ADARB2: variants seen among roughly 807,000 people sequenced by gnomAD.
ADARB2 encodes inactive double-stranded RNA-specific editase B2.
In ADARB2, 25 loss-of-function variants were observed where a neutral mutation model predicts 62.2. The observed-to-expected ratio is 0.40, with a 90% confidence interval of 0.29 to 0.56. The LOEUF (loss-of-function observed/expected upper bound fraction) is 0.56, where lower values mean the gene tolerates loss of function less well. Among genes scored for constraint, ADARB2 ranks in the 20% least tolerant of loss-of-function variants. The probability of loss-of-function intolerance (pLI) is 0.43; values close to 1 mark genes in which losing one functional copy is unlikely to be tolerated. For missense variants in ADARB2, 1,071 were observed against 1,077.4 expected (o/e 0.99, Z 0.08); for synonymous variants, 572 against 500.8 (o/e 1.14, Z -1.90).
At chr10:1,554,701 G>A (rs952545529) in intron 1 of ADARB2, among the ~76,000 whole-genome samples, 42 of 152,130 alleles carry the variant, frequency 2.8e-4, no homozygotes, top group African/African-American at 9.7e-4. Context: ...CTTATTTCTA[G>A]GATAGCTTTG....
chr10:1,513,335 A>C (rs1831962830), intron 1 of ADARB2, among the ~76,000 whole-genome samples: 1 of 152,228 alleles, frequency 6.6e-6, no homozygotes, highest in African/African-American at 2.4e-5. Flanking sequence ...CCTCAGTGAC[A>C]AGGCTGGCTA....
chr10:1,550,911 A>G (rs966059728), intron 1 of ADARB2, among the ~76,000 whole-genome samples: 4 of 152,080 alleles, frequency 2.6e-5, no homozygotes, highest in Non-Finnish European at 5.9e-5. Flanking sequence ...TGGAGTTCGG[A>G]GACTAAAGGT....
chr10:1,487,632 G>A (rs1453805258), intron 1 of ADARB2, among the ~76,000 whole-genome samples: 1 of 152,162 alleles, frequency 6.6e-6, no homozygotes, highest in Non-Finnish European at 1.5e-5. Context: ...AAGTGTAGTT[G>A]GAATAAAGCA....
chr10:1,220,611 T>C (rs1830686590), intron 6 of ADARB2, among the ~76,000 whole-genome samples: 1 of 152,212 alleles, frequency 6.6e-6, no homozygotes, highest in Non-Finnish European at 1.5e-5. Context: ...TTAGGGACTT[T>C]ACTCTTTCAT....
Position 1,363,224 on chromosome 10 carries a change from C to A in ADARB2, c.881G>T (p.Cys294Phe). 1 of 1,448,028 alleles carries A rather than the reference C, an allele frequency of 6.9e-7. No homozygotes were observed. Among genetic ancestry groups the A allele is most frequent in the Non-Finnish European group, 9.1e-7 (1 of 1,100,948 alleles). 89.7% of individuals were successfully genotyped at this position (1,448,028 alleles called of 1,614,324 possible). ...GCGCCGCTCGGCCGGTTCTGCCAGACACACGTAGCGCAGCCCGGCGCGCAG... is the reference window on the plus strand; with the variant it reads ...GCGCCGCTCGGCCGGTTCTGCCAGAAACACGTAGCGCAGCCCGGCGCGCAG... Reference protein sequence around the residue: ...NRLRAGLRYVCLAEPAERRAR... With the variant: ...NRLRAGLRYVFLAEPAERRAR... Residue 294 changes from cysteine to phenylalanine, a missense_variant, in exon 3 of 10, where the codon TGT (cysteine) becomes TTT (phenylalanine). Physicochemically the swap from Cys to Phe is radical, Grantham distance 205. Transcript: ENST00000381312.
At chr10:1,207,704 T>C (rs959187277) in intron 7 of ADARB2, among the ~76,000 whole-genome samples, 3 of 152,234 alleles carry the variant, frequency 2.0e-5, no homozygotes, top group African/African-American at 7.2e-5. Context: ...TTATGGTTCA[T>C]TTTCATGGAG....
chr10:1,260,553 T>C (rs1831126227), intron 4 of ADARB2, among the ~76,000 whole-genome samples: 1 of 151,864 alleles, frequency 6.6e-6, no homozygotes. Flanking sequence ...CCATTCACAA[T>C]TGCTTCAAAG....
At position 1,426,914 on chromosome 10, in the gene ADARB2, G is replaced by C. The variant is rs575250697; in HGVS notation, c.101-47754C>G. ...AACCTAAAGCAGTTGTGAAAGAGCC[G>C]GAGGACCCCTGTCCCCAAACCCTGC... On this transcript the variant is annotated intron_variant, in intron 1 of 9. Coordinates refer to ENST00000381312, the MANE Select transcript of ADARB2 (RefSeq NM_018702.4). The surrounding 1 kb of genome is among the most constrained non-coding windows in gnomAD (Gnocchi z 4.1). Among the ~76,000 whole-genome samples, 5 of 152,252 alleles carry C rather than the reference G, an allele frequency of 3.3e-5. No homozygotes were observed. The highest frequency in any genetic ancestry group is 4.4e-5 in the Non-Finnish European group (3 of 68,048).
In ADARB2 at chr10:1,363,396, C is replaced by T. The variant is rs1458819216; in HGVS notation, c.709G>A (p.Ala237Thr). 1.5e-6 allele frequency: 2 copies of T among 1,342,210 alleles called. No individual in the cohort carries two copies. 83.1% of individuals were successfully genotyped at this position (1,342,210 alleles called of 1,614,324 possible). The stretch of plus-strand genomic sequence containing the variant: ...GCGGCGTCCCCGGGGCGGCCTCCCG[C>T]GAGTCCGGGGCGCGGCGCCGGGGGC... ...FEPPAPRPGL[A>T]GGRPGDAALL... is the part of the protein sequence containing the mutation. Residue 237 changes from alanine (A) to threonine (T), a missense_variant, in exon 3 of 10, where the codon GCG (alanine) becomes ACG (threonine). Ala to Thr is a moderately conservative substitution (Grantham distance 58, BLOSUM62 0). Coordinates refer to ENST00000381312, the MANE Select transcript of ADARB2 (RefSeq NM_018702.4).
Position 1,253,050 on chromosome 10 carries a change from G to T in ADARB2, c.1193-10751C>A, listed in dbSNP as rs138732420. On this transcript the variant is annotated intron_variant, in intron 4 of 9. Coordinates refer to ENST00000381312, the MANE Select transcript of ADARB2 (RefSeq NM_018702.4). The stretch of plus-strand genomic sequence containing the variant: ...AGAGTTTAACAGGCTCTAGGGCACA[G>T]GTAGCCCTGTTTCTGCTGCTTACTT... Among the ~76,000 whole-genome samples the T allele has an allele frequency of 2.5e-3, 380 of 152,322 alleles. 2 individuals carry two copies. The highest frequency in any genetic ancestry group is 8.6e-3 in the African/African-American group (358 of 41,574).
intron 6 of ADARB2, among the ~76,000 whole-genome samples, chr10:1,218,766 C>T (rs1027714213): frequency 4.6e-5 from 7 of 151,946 alleles, no homozygotes; most frequent in African/African-American, 9.7e-5. Flanking sequence ...TGGCATCAGC[C>T]GGGCACGGTG....
intron 1 of ADARB2, among the ~76,000 whole-genome samples, chr10:1,702,453 G>A (rs1366422273): frequency 1.3e-5 from 2 of 152,168 alleles, no homozygotes; most frequent in Non-Finnish European, 1.5e-5. Context: ...CTCTCTTGAG[G>A]TCTCTCTGTC....
intron 3 of ADARB2, among the ~76,000 whole-genome samples, chr10:1,302,747 G>A (rs1244242149): frequency 2.0e-5 from 3 of 152,344 alleles, no homozygotes; most frequent in East Asian, 3.9e-4. Context: ...CTAACTGGGA[G>A]GCACCCTCCA....
intron 3 of ADARB2, among the ~76,000 whole-genome samples, chr10:1,331,125 G>A (rs867441346): frequency 2.0e-5 from 3 of 152,210 alleles, no homozygotes; most frequent in Non-Finnish European, 4.4e-5. Flanking sequence ...ATAATAACAA[G>A]TGTTGACAAG....
rs1190151313 is a variant in ADARB2 at position 1,306,760 on chromosome 10, C to A, written c.1078-35691G>T. 2.7e-5 allele frequency among the ~76,000 whole-genome samples: 4 copies of A among 146,850 alleles called. No homozygotes were observed. The East Asian group carries it at 8.5e-4, about 31-fold the overall frequency. ...TATAGATCAATGGAACAGAACAGAG[C>A]CGTCAGAAATAACGCCGCATATCTA... On this transcript the variant is annotated intron_variant, in intron 3 of 9. Transcript: ENST00000381312.
At chr10:1,448,598 TG>T (rs1419710503) in intron 1 of ADARB2, among the ~76,000 whole-genome samples, 1 of 152,140 alleles carries the variant, frequency 6.6e-6, no homozygotes, top group East Asian at 1.9e-4. Flanking sequence ...GGTAATAGGG[TG>T]CATGGACAAG....
intron 6 of ADARB2, among the ~76,000 whole-genome samples, chr10:1,217,336 CAG>C (rs1319207210): frequency 6.6e-6 from 1 of 152,180 alleles, no homozygotes; most frequent in East Asian, 1.9e-4. Context: ...AGTCAAGGGT[CAG>C]GGAGTAAAAA....
At chr10:1,274,735 A>C (rs773220428) in intron 3 of ADARB2, among the ~76,000 whole-genome samples, 2 of 152,230 alleles carry the variant, frequency 1.3e-5, no homozygotes, top group Non-Finnish European at 1.5e-5. Context: ...GAAGGTGCCA[A>C]TATTATCCTT....
chr10:1,386,957 A>C (rs936094237), intron 1 of ADARB2, among the ~76,000 whole-genome samples: 1 of 151,970 alleles, frequency 6.6e-6, no homozygotes, highest in East Asian at 1.9e-4. Flanking sequence ...TATATGTAAC[A>C]AAAAGATATA....
Sources: allele counts gnomAD v4.1 joint callset (sites outside exome capture counted in the v4.1 genomes callset), GRCh38; gene constraint gnomAD v4.1.1; non-coding constraint Gnocchi (gnomAD v3.1); transcripts MANE v1.5; gene names NCBI Gene and HGNC (gene_info 2026-07-23, HGNC 2026-07-21).